The following PCSK1 variants were observed in gnomAD, a reference collection of about 807,000 sequenced individuals.
PCSK1 encodes the protein proprotein convertase subtilisin/kexin type 1.
A neutral mutation model predicts 90.6 loss-of-function variants in PCSK1; 56 were observed. The ratio of observed to expected loss-of-function variants is 0.62; its 90% CI spans 0.50 to 0.77. The LOEUF (loss-of-function observed/expected upper bound fraction) is 0.77, where lower values mean the gene tolerates loss of function less well. PCSK1 is among the 30% of genes least tolerant of loss of function. PCSK1 has a pLI of 0.00. For synonymous variants in PCSK1, 348 were observed against 342.4 expected (o/e 1.02, Z -0.18); for missense variants, 801 against 932.6 (o/e 0.86, Z 1.84).
At chr5:96,397,981 T>C (rs1288594709) in intron 11 of PCSK1, among the ~76,000 whole-genome samples, 1 of 152,054 alleles carries the variant, frequency 6.6e-6, no homozygotes, top group Non-Finnish European at 1.5e-5. Flanking sequence ...CTTAAAGATA[T>C]ATTAATTTAA....
intron 10 of PCSK1, 42 bp from the exon 11 acceptor site, chr5:96,399,078 A>C: frequency 6.8e-7 from 1 of 1,472,896 alleles, no homozygotes; most frequent in Non-Finnish European, 9.4e-7. Flanking sequence ...AGTATATCCA[A>C]ACTTCCTTGC....
At position 96,412,452 on chromosome 5, in the gene PCSK1, C is replaced by A. The variant is rs137852822; in HGVS notation, c.748G>T (p.Glu250Ter). 10 of 1,613,998 alleles carry A rather than the reference C, an allele frequency of 6.2e-6. No individual in the cohort carries two copies. Among genetic ancestry groups the A allele is most frequent in the Non-Finnish European group, 8.5e-6 (10 of 1,179,952 alleles). ...GGATTGAATCCAATTGAACTGGCCT[C>A]AATAGCATCCGTCACAATGCCATCC... is the stretch of plus-strand genomic sequence containing the variant. ...MLDGIVTDAI[E>*]ASSIGFNPGH... is the part of the protein sequence containing the mutation. The change falls in exon 7 of 14, where the codon GAG becomes TAG. Residue 250 changes from glutamate to a stop codon, truncating the protein, a stop_gained. Transcript: ENST00000311106. LOFTEE classifies it high-confidence loss of function.
chr5:96,429,127 T>C, intron 2 of PCSK1, 86 bp downstream of exon 2: 1 of 758,278 alleles, frequency 1.3e-6, no homozygotes, highest in East Asian at 2.5e-5. Context: ...AAACCACATT[T>C]GCAAAATGCT....
intron 6 of PCSK1, among the ~76,000 whole-genome samples, chr5:96,415,032 T>C (rs1346734238): frequency 1.3e-5 from 2 of 152,216 alleles, no homozygotes; most frequent in Non-Finnish European, 2.9e-5. Context: ...TACAATTGAT[T>C]CTTTTTGTGA....
At position 96,397,726 on chromosome 5, in the gene PCSK1, A is replaced by G. The variant is rs541818672; in HGVS notation, c.1589-257T>C. Among the ~76,000 whole-genome samples the G allele has an allele frequency of 2.6e-5, 4 of 152,326 alleles. No individual in the cohort carries two copies. In the South Asian group the frequency reaches 6.2e-4, roughly 24 times the overall value. ...AATATTGTGGAAAAAATAATGAATG[A>G]ATGAATGAAAATGTTGACTAAGGTT... On this transcript the variant is annotated intron_variant, in intron 11 of 13. Coordinates refer to ENST00000311106, the MANE Select transcript of PCSK1 (RefSeq NM_000439.5).
intron 9 of PCSK1, among the ~76,000 whole-genome samples, chr5:96,401,604 C>T (rs956368053): frequency 2.6e-5 from 4 of 152,144 alleles, no homozygotes; most frequent in African/African-American, 9.7e-5. Context: ...ATGATGAGGC[C>T]TTCCTTGATC....
intron 1 of PCSK1, among the ~76,000 whole-genome samples, chr5:96,431,200 T>A (rs1158940866): frequency 6.6e-5 from 10 of 152,124 alleles, no homozygotes; most frequent in Admixed American, 6.6e-4. Context: ...GTCTCAAAAA[T>A]TCCTAATAAT....
At chr5:96,407,421 T>C (rs988444678) in intron 9 of PCSK1, among the ~76,000 whole-genome samples, 1 of 152,132 alleles carries the variant, frequency 6.6e-6, no homozygotes, top group African/African-American at 2.4e-5. Context: ...ACATAGCAAA[T>C]ATTTTAAAAG....
intron 4 of PCSK1, 40 bp downstream of exon 4, chr5:96,423,273 C>G (rs771685689): frequency 1.3e-6 from 2 of 1,579,342 alleles, no homozygotes; most frequent in Non-Finnish European, 1.7e-6. Flanking sequence ...TCTGCACAGA[C>G]AGCTCCCTAA....
Position 96,400,058 on chromosome 5 carries a change from C to T in PCSK1, c.1325G>A (p.Gly442Asp). The change falls in exon 10 of 14, where the codon GGC (glycine) becomes GAC (aspartate). Residue 442 changes from glycine (G) to aspartate (D), a missense_variant. By Grantham distance (94) the Gly-to-Asp change is moderately conservative. Coordinates refer to ENST00000311106, the MANE Select transcript of PCSK1 (RefSeq NM_000439.5). ...CACCAGAGCTTTGGCATTTAGCAAG[C>T]CAAATCCAAATCGACTATTCACCAT... The part of the protein sequence containing the change: ...GLMVNSRFGF[G>D]LLNAKALVDL... The T allele has an allele frequency of 6.2e-7, 1 of 1,614,196 alleles. No homozygotes were observed.
chr5:96,419,110 A>G (rs1387779440), intron 5 of PCSK1, among the ~76,000 whole-genome samples: 1 of 151,922 alleles, frequency 6.6e-6, no homozygotes, highest in Non-Finnish European at 1.5e-5. Flanking sequence ...ATGCACACAT[A>G]TACATATATG....
At chr5:96,399,166 A>C (rs111969635) in intron 10 of PCSK1, 130 bp from the exon 11 acceptor site, 1 of 689,626 alleles carries the variant, frequency 1.5e-6, no homozygotes, top group African/African-American at 1.8e-5. Flanking sequence ...GATGTGTAGA[A>C]CCTAATTCAG....
chr5:96,411,077 A>G, intron 7 of PCSK1, 91 bp from the exon 8 acceptor site: 2 of 925,508 alleles, frequency 2.2e-6, no homozygotes, highest in Non-Finnish European at 3.6e-6. Flanking sequence ...TACATGTGTG[A>G]AATTCTCAGA....
intron 9 of PCSK1, among the ~76,000 whole-genome samples, chr5:96,405,404 C>T (rs1442754604): frequency 6.6e-6 from 1 of 152,138 alleles, no homozygotes; most frequent in Non-Finnish European, 1.5e-5. Flanking sequence ...TGGAACCCAT[C>T]TGAGTGTTTC....
At chr5:96,399,172 T>C (rs1465190257) in intron 10 of PCSK1, 136 bp from the exon 11 acceptor site, 12 of 673,950 alleles carry the variant, frequency 1.8e-5, no homozygotes, top group Non-Finnish European at 2.4e-5. Flanking sequence ...TAGAACCTAA[T>C]TCAGAATTAT....
At position 96,393,071 on chromosome 5, in the gene PCSK1, G is replaced by C. The variant is rs1357746957; in HGVS notation, c.2192C>G (p.Thr731Ser). The change falls in exon 14 of 14, where the codon ACT (threonine) becomes AGT (serine). Residue 731 changes from threonine (T) to serine (S), a missense_variant. Physicochemically the swap from Thr to Ser is moderately conservative, Grantham distance 58. Transcript: ENST00000311106. The part of the protein sequence containing the change: ...YNDYVDVFYN[T>S]KPYKHRDDRL... The stretch of plus-strand genomic sequence containing the variant: ...GTCGTCTCTGTGCTTGTAAGGTTTA[G>C]TGTTATAAAAAACATCAACATAGTC... 6.2e-7 allele frequency: 1 copy of C among 1,613,866 alleles called. No homozygotes were observed. Among genetic ancestry groups the C allele is most frequent in the African/African-American group, 1.3e-5 (1 of 74,916 alleles).
chr5:96,399,894 CAT>C, intron 10 of PCSK1, 57 bp downstream of exon 10: 1 of 1,326,888 alleles, frequency 7.5e-7, no homozygotes, highest in Non-Finnish European at 1.1e-6. Flanking sequence ...GAATGGCAAA[CAT>C]AGTAATGAAA....
chr5:96,399,114 A>G (rs1021430285), intron 10 of PCSK1, 78 bp from the exon 11 acceptor site: 3 of 1,035,190 alleles, frequency 2.9e-6, no homozygotes, highest in Admixed American at 2.0e-5. Context: ...GCATGCATCA[A>G]TCTTGACTAG....
At chr5:96,414,489 G>A (rs1014570754) in intron 6 of PCSK1, among the ~76,000 whole-genome samples, 20 of 152,118 alleles carry the variant, frequency 1.3e-4, no homozygotes, top group African/African-American at 4.8e-4. Context: ...TTAACCACCA[G>A]GATACACTGC....
Sources: allele counts gnomAD v4.1 joint callset (sites outside exome capture counted in the v4.1 genomes callset), GRCh38; gene constraint gnomAD v4.1.1; transcripts MANE v1.5; gene names NCBI Gene and HGNC (gene_info 2026-07-23, HGNC 2026-07-21).